Variants in FAM83B observed in about 807,000 individuals in gnomAD.
FAM83B encodes scaffolding CK1 anchoring protein B, also known as protein FAM83B.
Under a neutral mutation model 38.8 loss-of-function variants are expected in FAM83B, and 26 were observed. The observed-to-expected ratio is 0.67, with a 90% CI of 0.49 to 0.93. The LOEUF (loss-of-function observed/expected upper bound fraction) is 0.93. Ranked by LOEUF, FAM83B falls within the 40% of genes least tolerant of loss-of-function variation. The pLI, the probability that FAM83B is intolerant of heterozygous loss-of-function variation, is 0.00. For missense variants in FAM83B, 1,237 were observed against 1,197.3 expected (o/e 1.03, Z -0.49); for synonymous variants, 419 against 423.1 (o/e 0.99, Z 0.12).
chr6:54,927,273 A>G (rs1773315305), intron 3 of FAM83B, among the ~76,000 whole-genome samples: 1 of 152,138 alleles, frequency 6.6e-6, no homozygotes, highest in African/African-American at 2.4e-5. Context: ...TGAGAGGCTG[A>G]GTGATCTTTG....
At chr6:54,858,556 TA>T (rs141444799) in intron 1 of FAM83B, among the ~76,000 whole-genome samples, 5,368 of 152,294 alleles carry the variant, frequency 0.035, 311 homozygotes, top group African/African-American at 0.12. Flanking sequence ...ATAATTTATT[TA>T]AACAGCCAAT....
chr6:54,907,518 C>A (rs1190344702), intron 2 of FAM83B, among the ~76,000 whole-genome samples: 1 of 152,092 alleles, frequency 6.6e-6, no homozygotes, highest in East Asian at 1.9e-4. Flanking sequence ...CTTTCAATTT[C>A]TATACTTAAC....
rs575914029 is a variant in FAM83B at position 54,875,856 on chromosome 6, C to A, written c.444+5166C>A. On this transcript the variant is annotated intron_variant, in intron 2 of 4. Coordinates refer to ENST00000306858, the MANE Select transcript of FAM83B (RefSeq NM_001010872.3). ...TTCATCCTGCCAACAATTGCTGTGTCTGTATGGCAGTACTCTGTCTTTAAC... is the reference window on the plus strand; with the variant it reads ...TTCATCCTGCCAACAATTGCTGTGTATGTATGGCAGTACTCTGTCTTTAAC... Among the ~76,000 whole-genome samples the A allele has an allele frequency of 1.8e-3, 272 of 152,260 alleles. 1 individual carries two copies. Among genetic ancestry groups the A allele is most frequent in the African/African-American group, 6.1e-3 (254 of 41,548 alleles).
chr6:54,886,602 CTG>C (rs1187538331), intron 2 of FAM83B, among the ~76,000 whole-genome samples: 2 of 151,826 alleles, frequency 1.3e-5, no homozygotes, highest in African/African-American at 4.8e-5. Context: ...GTATTAATGA[CTG>C]TTGGATTTGT....
chr6:54,937,559 G>A (rs1305401195), intron 4 of FAM83B, among the ~76,000 whole-genome samples: 1 of 151,978 alleles, frequency 6.6e-6, no homozygotes, highest in African/African-American at 2.4e-5. Flanking sequence ...GTAAACCACA[G>A]AGATAACAGT....
intron 2 of FAM83B, among the ~76,000 whole-genome samples, chr6:54,916,880 T>C (rs1007872012): frequency 2.0e-5 from 3 of 152,220 alleles, no homozygotes; most frequent in African/African-American, 7.2e-5. Flanking sequence ...TTCATCTGGC[T>C]ATTATTACAT....
At chr6:54,899,060 T>C (rs1772599763) in intron 2 of FAM83B, among the ~76,000 whole-genome samples, 1 of 152,178 alleles carries the variant, frequency 6.6e-6, no homozygotes, top group East Asian at 1.9e-4. Context: ...GACTTTGAAG[T>C]CCTTGAGATA....
intron 4 of FAM83B, among the ~76,000 whole-genome samples, chr6:54,931,497 T>C (rs987822037): frequency 6.6e-5 from 10 of 152,190 alleles, no homozygotes; most frequent in Non-Finnish European, 1.2e-4. Flanking sequence ...ATAATTGTTA[T>C]AATTGTTATA....
chr6:54,913,513 C>T lies in FAM83B; in HGVS notation c.445-12858C>T, dbSNP rs147279174. Among the ~76,000 whole-genome samples the T allele has an allele frequency of 2.0e-3, 300 of 151,748 alleles. 1 individual carries two copies. Among genetic ancestry groups the T allele is most frequent in the African/African-American group, 6.6e-3 (274 of 41,392 alleles). ...TGCCCGAGTAGAAAATGGCAGATCC[C>T]AGATTGAAATAGATATACAGAGACA... On this transcript the variant is annotated intron_variant, in intron 2 of 4. Coordinates refer to ENST00000306858, the MANE Select transcript of FAM83B (RefSeq NM_001010872.3).
intron 4 of FAM83B, 121 bp from the exon 5 acceptor site, chr6:54,939,585 T>G (rs2127591303): frequency 1.1e-6 from 1 of 917,348 alleles, no homozygotes; most frequent in South Asian, 2.4e-5. Flanking sequence ...GAAAATATTC[T>G]AAATAATGAT....
chr6:54,904,891 A>G (rs978432605), intron 2 of FAM83B, among the ~76,000 whole-genome samples: 8 of 152,144 alleles, frequency 5.3e-5, no homozygotes, highest in Non-Finnish European at 1.0e-4. Flanking sequence ...AAAGAGGAAG[A>G]AAGAAGAAAA....
intron 4 of FAM83B, among the ~76,000 whole-genome samples, chr6:54,938,810 G>A (rs1773584045): frequency 6.6e-6 from 1 of 151,994 alleles, no homozygotes; most frequent in Non-Finnish European, 1.5e-5. Context: ...CCCACTCTGT[G>A]GGCTGTCTGT....
chr6:54,884,318 AG>A (rs1352048023), intron 2 of FAM83B, among the ~76,000 whole-genome samples: 4,985 of 144,894 alleles, frequency 0.034, 102 homozygotes, highest in Non-Finnish European at 0.043. Flanking sequence ...AAAAAAAAAA[AG>A]AGAAAAATAG....
chr6:54,892,063 C>T (rs1164592421), intron 2 of FAM83B, among the ~76,000 whole-genome samples: 1 of 152,098 alleles, frequency 6.6e-6, no homozygotes, highest in Non-Finnish European at 1.5e-5. Context: ...GCAACAGTCC[C>T]CTTAACTTAT....
intron 4 of FAM83B, among the ~76,000 whole-genome samples, 161 bp downstream of exon 4, chr6:54,927,793 T>TTTAGG (rs1773336772): frequency 7.0e-6 from 1 of 143,046 alleles, no homozygotes; most frequent in Non-Finnish European, 1.5e-5. Flanking sequence ...TAGGTTTGAG[T>TTTAGG]CATGAGTCTG....
In FAM83B at chr6:54,941,026, T is replaced by C. The variant is rs756449156; in HGVS notation, c.2055T>C (p.Tyr685=). 15 of 1,613,740 alleles carry C rather than the reference T, an allele frequency of 9.3e-6. No homozygotes were observed. The South Asian group carries it at 9.9e-5, about 11-fold the overall frequency. ...CTGGAAATAGTAAGCATTATGTATATAGTACACTTACCAGGAATCGAGTTA... is the reference window on the plus strand; with the variant it reads ...CTGGAAATAGTAAGCATTATGTATACAGTACACTTACCAGGAATCGAGTTA... ...LDPGNSKHYV[Y]STLTRNRVRQ... is the part of the protein sequence containing the mutation. The change falls in exon 5 of 5, where the codon TAT becomes TAC. Residue 685 remains tyrosine, a synonymous_variant. Coordinates refer to ENST00000306858, the MANE Select transcript of FAM83B (RefSeq NM_001010872.3).
At position 54,941,849 on chromosome 6, in the gene FAM83B, C is replaced by T. The variant is rs145623856; in HGVS notation, c.2878C>T (p.Arg960Cys). 51 of 1,584,632 alleles carry T rather than the reference C, an allele frequency of 3.2e-5. No homozygotes were observed. The highest frequency in any genetic ancestry group is 3.4e-4 in the Middle Eastern group (2 of 5,918). The change falls in exon 5 of 5, where the codon CGC (arginine) becomes TGC (cysteine). Residue 960 changes from arginine (R) to cysteine (C), a missense_variant. Physicochemically the swap from Arg to Cys is radical, Grantham distance 180. Transcript: ENST00000306858. ...TSNMPNTSIN[R>C]PEIKSATMGN... is the part of the protein sequence containing the mutation. The stretch of plus-strand genomic sequence containing the variant: ...CAACATGCCAAATACCAGTATAAAT[C>T]GCCCAGAAATAAAATCTGCGACTAT...
chr6:54,908,631 C>T (rs186687782), intron 2 of FAM83B, among the ~76,000 whole-genome samples: 25 of 152,212 alleles, frequency 1.6e-4, no homozygotes, highest in Non-Finnish European at 3.2e-4. Flanking sequence ...TCAGCTATAG[C>T]TCATCATAGA....
intron 3 of FAM83B, 111 bp downstream of exon 3, chr6:54,926,646 T>G: frequency 2.5e-6 from 2 of 788,002 alleles, no homozygotes; most frequent in Non-Finnish European, 3.8e-6. Context: ...CAAAAAAAAA[T>G]ACGTATTTAA....
Sources: allele counts gnomAD v4.1 joint callset (sites outside exome capture counted in the v4.1 genomes callset), GRCh38; gene constraint gnomAD v4.1.1; transcripts MANE v1.5; gene names NCBI Gene and HGNC (gene_info 2026-07-23, HGNC 2026-07-21).